The following NEK10 variants were observed in gnomAD, a reference collection of about 807,000 sequenced individuals.
NEK10 encodes the protein serine/threonine-protein kinase Nek10.
In NEK10, 122 loss-of-function variants were observed where a neutral mutation model predicts 159.8. That is an observed-to-expected ratio of 0.76 (90% confidence interval 0.66 to 0.89). The LOEUF (loss-of-function observed/expected upper bound fraction) is 0.89. NEK10 is among the 40% of genes least tolerant of loss of function. The probability of loss-of-function intolerance (pLI) is 0.00; values close to 1 mark genes in which losing one functional copy is unlikely to be tolerated. For synonymous variants in NEK10, 466 were observed against 457.1 expected, an observed-to-expected ratio of 1.02 and a Z score of -0.25; for missense variants, 1,342 against 1,323.1, an observed-to-expected ratio of 1.01 and a Z score of -0.22.
intron 22 of NEK10, among the ~76,000 whole-genome samples, chr3:27,257,055 A>G (rs1956276134): frequency 6.6e-6 from 1 of 151,772 alleles, no homozygotes; most frequent in African/African-American, 2.4e-5. Flanking sequence ...AGCTGGGATT[A>G]CAGGCACGTG....
intron 3 of NEK10, among the ~76,000 whole-genome samples, chr3:27,350,437 A>G (rs2047887017): frequency 6.6e-6 from 1 of 152,188 alleles, no homozygotes; most frequent in South Asian, 2.1e-4. Context: ...AAATGTCTCC[A>G]CATTATTTTA....
At chr3:27,290,820 GAAGA>G in intron 18 of NEK10, 66 bp from the exon 19 acceptor site, 1 of 1,254,836 alleles carries the variant, frequency 8.0e-7, no homozygotes, top group Non-Finnish European at 1.1e-6. Flanking sequence ...AGAGAAAGAG[GAAGA>G]AAGAGATAGA....
At chr3:27,126,759 C>CAA (rs149878878) in intron 32 of NEK10, among the ~76,000 whole-genome samples, 22 of 146,292 alleles carry the variant, frequency 1.5e-4, no homozygotes, top group Admixed American at 4.8e-4. Flanking sequence ...CACCTGGGAG[C>CAA]AAAAAAAAAA....
intron 17 of NEK10, 44 bp from the exon 18 acceptor site, chr3:27,291,434 C>T: frequency 6.2e-7 from 1 of 1,606,192 alleles, no homozygotes; most frequent in Non-Finnish European, 8.5e-7. Context: ...TGATAAATTA[C>T]ATCCTGACTA....
At chr3:27,354,745 G>C (rs1205025767) in intron 1 of NEK10, among the ~76,000 whole-genome samples, 1 of 152,134 alleles carries the variant, frequency 6.6e-6, no homozygotes, top group African/African-American at 2.4e-5. Context: ...GTCAGGCAAG[G>C]GTGCTAACAC....
chr3:27,167,974 C>T (rs892632558), intron 29 of NEK10, among the ~76,000 whole-genome samples: 5 of 152,244 alleles, frequency 3.3e-5, no homozygotes, highest in East Asian at 1.9e-4. Flanking sequence ...TAGGGAGTTA[C>T]GTTAGTTTTT....
chr3:27,113,435 CAAAAAAAAAAAAA>C (rs3034425), intron 35 of NEK10, among the ~76,000 whole-genome samples: 2 of 81,514 alleles, frequency 2.5e-5, no homozygotes, highest in African/African-American at 4.4e-5. Context: ...GATTCCATCT[CAAAAAAAAAAAAA>C]AAAAAAAAAA....
intron 1 of NEK10, among the ~76,000 whole-genome samples, chr3:27,359,543 C>T (rs150948476): frequency 7.9e-5 from 12 of 152,324 alleles, no homozygotes; most frequent in African/African-American, 2.4e-4. Flanking sequence ...AATTCCTTTA[C>T]TGTAGATATT....
intron 22 of NEK10, among the ~76,000 whole-genome samples, chr3:27,274,846 T>G (rs113747255): frequency 0.02 from 3,076 of 152,208 alleles, 109 homozygotes; most frequent in African/African-American, 0.071. Context: ...AAATAGGTAC[T>G]ACTGCCTACT....
intron 12 of NEK10, among the ~76,000 whole-genome samples, chr3:27,302,648 C>T (rs953307282): frequency 6.6e-6 from 1 of 152,102 alleles, no homozygotes; most frequent in Admixed American, 6.6e-5. Flanking sequence ...TTTTGTTTTA[C>T]ATAGTTACCA....
intron 23 of NEK10, among the ~76,000 whole-genome samples, chr3:27,228,636 G>C (rs1015192221): frequency 6.6e-6 from 1 of 152,086 alleles, no homozygotes; most frequent in Non-Finnish European, 1.5e-5. Context: ...AAAATGGAGG[G>C]CATCAACCTA....
intron 6 of NEK10, among the ~76,000 whole-genome samples, chr3:27,314,625 G>A (rs1333210255): frequency 1.3e-5 from 2 of 152,104 alleles, no homozygotes; most frequent in Non-Finnish European, 2.9e-5. Context: ...TAAAATGTTC[G>A]AGTTGAGAAG....
At chr3:27,154,512 T>C (rs889146415) in intron 30 of NEK10, among the ~76,000 whole-genome samples, 3 of 152,232 alleles carry the variant, frequency 2.0e-5, no homozygotes, top group Admixed American at 2.0e-4. Flanking sequence ...AACTATAGAC[T>C]GAAATCCTTG....
At chr3:27,236,345 T>C (rs1953913694) in intron 23 of NEK10, among the ~76,000 whole-genome samples, 1 of 152,078 alleles carries the variant, frequency 6.6e-6, no homozygotes, top group Non-Finnish European at 1.5e-5. Flanking sequence ...AAAATGTATA[T>C]ATACACTATG....
At chr3:27,215,735 T>G (rs1316551141) in intron 23 of NEK10, 1 of 709,400 alleles carries the variant, frequency 1.4e-6, no homozygotes, top group East Asian at 2.7e-5. Flanking sequence ...GGCTCACGGT[T>G]CTGCAGGCTG....
At chr3:27,270,605 G>T (rs76440297) in intron 22 of NEK10, among the ~76,000 whole-genome samples, 1 of 152,044 alleles carries the variant, frequency 6.6e-6, no homozygotes, top group East Asian at 1.9e-4. Context: ...CTACTGTGAC[G>T]TCTCACTGAG....
rs867500641 is a variant in NEK10 at position 27,174,680 on chromosome 3, C to T, written c.2659G>A (p.Asp887Asn). The part of the protein sequence containing the change: ...DRACDEILSD[D>N]NFNLENAEKD... ...TCAGCATTTTCCAGGTTGAAGTTATCATCTGACAGGATTTCGTCACAGGCC... is the reference window on the plus strand; with the variant it reads ...TCAGCATTTTCCAGGTTGAAGTTATTATCTGACAGGATTTCGTCACAGGCC... The change falls in exon 27 of 36, where the codon GAT becomes AAT. Residue 887 changes from aspartate to asparagine, a missense_variant. Transcript: ENST00000691995. 6.2e-7 allele frequency: 1 copy of T among 1,611,978 alleles called. No homozygotes were observed. Among genetic ancestry groups the T allele is most frequent in the Non-Finnish European group, 8.5e-7 (1 of 1,179,218 alleles).
intron 11 of NEK10, 126 bp from the exon 12 acceptor site, chr3:27,305,097 T>A (rs2044132251): frequency 3.1e-6 from 2 of 647,372 alleles, no homozygotes. Context: ...TGGGTCAATG[T>A]GCCATTTTCT....
Position 27,199,344 on chromosome 3 carries a change from A to C in NEK10, c.2291+2166T>G, listed in dbSNP as rs534242957. Among the ~76,000 whole-genome samples the C allele has an allele frequency of 2.8e-4, 42 of 152,386 alleles. 1 individual carries two copies. The highest frequency in any genetic ancestry group is 8.3e-4 in the South Asian group (4 of 4,832). On this transcript the variant is annotated intron_variant, in intron 25 of 35. Coordinates refer to ENST00000691995, the MANE Select transcript of NEK10 (RefSeq NM_001394966.1). ...AAAAGAAGGCATACATGTAGCCAAC[A>C]AGCATGAAATAAAGCTCAACATTAC...
Sources: allele counts gnomAD v4.1 joint callset (sites outside exome capture counted in the v4.1 genomes callset), GRCh38; gene constraint gnomAD v4.1.1; transcripts MANE v1.5; gene names NCBI Gene and HGNC (gene_info 2026-07-23, HGNC 2026-07-21).